Variants in CSGALNACT1 observed in about 807,000 individuals in gnomAD.
The protein encoded by CSGALNACT1 is chondroitin sulfate N-acetylgalactosaminyltransferase 1, also known as beta4GalNAcT-1.
In CSGALNACT1, 52 loss-of-function variants were observed where a neutral mutation model predicts 51.0. The observed-to-expected ratio is 1.02, with a 90% confidence interval of 0.82 to 1.29. The LOEUF (loss-of-function observed/expected upper bound fraction) is 1.29. Ranked by LOEUF, CSGALNACT1 falls within the 50% of genes most tolerant of loss-of-function variation. CSGALNACT1 has a pLI of 0.00. For missense variants in CSGALNACT1, 935 were observed against 679.2 expected (o/e 1.38, Z -4.19); for synonymous variants, 341 against 254.4 (o/e 1.34, Z -3.24).
chr8:19,502,020 A>G (rs929446117), intron 4 of CSGALNACT1, among the ~76,000 whole-genome samples: 1 of 152,260 alleles, frequency 6.6e-6, no homozygotes, highest in Non-Finnish European at 1.5e-5. Flanking sequence ...TTGAGGATAG[A>G]TAATAATGAA....
At chr8:19,720,539 C>T (rs2063063041) in intron 1 of CSGALNACT1, among the ~76,000 whole-genome samples, 1 of 152,190 alleles carries the variant, frequency 6.6e-6, no homozygotes, top group African/African-American at 2.4e-5. Context: ...ATCAACCTCT[C>T]CTGGTAGAAC....
At position 19,661,355 on chromosome 8, in the gene CSGALNACT1, A is replaced by G. The variant is rs183039483; in HGVS notation, c.-544+21118T>C. ...GTCACCTACTGCTGTCACCTGGCCCAGTTCCTGAATGGAATGCTGCAAAGT... is the reference window on the plus strand; with the variant it reads ...GTCACCTACTGCTGTCACCTGGCCCGGTTCCTGAATGGAATGCTGCAAAGT... On this transcript the variant is annotated intron_variant, in intron 1 of 9. Coordinates refer to the CSGALNACT1 transcript ENST00000332246. Among the ~76,000 whole-genome samples, 74 of 152,306 alleles carry G rather than the reference A, an allele frequency of 4.9e-4. 1 individual carries two copies. In the East Asian group the frequency reaches 0.014, roughly 28 times the overall value.
At chr8:19,742,682 G>T (rs6586861) in intron 1 of CSGALNACT1, among the ~76,000 whole-genome samples, 111,452 of 152,194 alleles carry the variant, frequency 0.73, 40,963 homozygotes, top group Middle Eastern at 0.87. Flanking sequence ...CTAGACAGAT[G>T]CAGATGATCC....
At chr8:19,458,641 C>G in exon 5 of CSGALNACT1, 1 of 1,613,850 alleles carries the variant, frequency 6.2e-7, no homozygotes, top group Non-Finnish European at 8.5e-7. Flanking sequence ...TTCGGTAGAT[C>G]CCTGTTAAGA....
intron 1 of CSGALNACT1, among the ~76,000 whole-genome samples, chr8:19,616,865 A>T (rs960350347): frequency 1.3e-5 from 2 of 152,194 alleles, no homozygotes; most frequent in Admixed American, 1.3e-4. Context: ...TTTGGCACCA[A>T]GGAATGGTTT....
rs1162955221 is a variant in CSGALNACT1 at position 19,667,022 on chromosome 8, AGGAAGGAAGGAAGGAAGG to A, written c.-544+15433_-544+15450del. On this transcript the variant is annotated intron_variant, in intron 1 of 9. Coordinates refer to the CSGALNACT1 transcript ENST00000332246. ...AAGAAAGAAAGAAAGAAAGAAAGGA[AGGAAGGAAGGAAGGAAGG>A]AAGAAAGAAAGAAAGAAAGAAAGAA... 1.3e-3 allele frequency among the ~76,000 whole-genome samples: 46 copies of A among 36,038 alleles called. 2 individuals are homozygous for A. The highest frequency in any genetic ancestry group is 5.4e-3 in the African/African-American group (28 of 5,170). 23.6% of individuals were successfully genotyped at this position (36,038 alleles called of 152,430 possible).
chr8:19,596,752 T>C (rs1208486745), intron 2 of CSGALNACT1, among the ~76,000 whole-genome samples: 1 of 152,188 alleles, frequency 6.6e-6, no homozygotes, highest in Non-Finnish European at 1.5e-5. Context: ...AAAATCTAAT[T>C]CCTTTCAATT....
chr8:19,736,769 G>T (rs1282600790), intron 1 of CSGALNACT1, among the ~76,000 whole-genome samples: 6 of 152,126 alleles, frequency 3.9e-5, no homozygotes, highest in African/African-American at 1.4e-4. Context: ...AAGGAACAGA[G>T]AGGAACTCTA....
chr8:19,755,465 A>AAAAAAAAAAAAAAAAAAAAAC (rs2065304096), intron 1 of CSGALNACT1, among the ~76,000 whole-genome samples: 1 of 126,738 alleles, frequency 7.9e-6, no homozygotes, highest in Non-Finnish European at 1.7e-5. Context: ...ACAAAAAAAA[A>AAAAAAAAAAAAAAAAAAAAAC]AAAAAAAAAA....
At chr8:19,444,090 C>T (rs2061742711) in intron 5 of CSGALNACT1, among the ~76,000 whole-genome samples, 1 of 152,160 alleles carries the variant, frequency 6.6e-6, no homozygotes, top group African/African-American at 2.4e-5. Context: ...AGCTACTCAC[C>T]TCCTGCTGTG....
At chr8:19,605,212 G>A (rs2051198980), upstream of CSGALNACT1, among the ~76,000 whole-genome samples, 1 of 152,160 alleles carries the variant, frequency 6.6e-6, no homozygotes, top group Non-Finnish European at 1.5e-5. Flanking sequence ...CAGTGACAAT[G>A]ACATCCCTCT....
At chr8:19,461,027 C>G (rs1028092749) in intron 4 of CSGALNACT1, among the ~76,000 whole-genome samples, 1 of 152,068 alleles carries the variant, frequency 6.6e-6, no homozygotes, top group Non-Finnish European at 1.5e-5. Context: ...ATTTAAAGGC[C>G]GAGACACGGA....
At position 19,658,046 on chromosome 8, in the gene CSGALNACT1, C is replaced by T. The variant is rs2058436040; in HGVS notation, c.-544+24427G>A. Among the ~76,000 whole-genome samples the T allele has an allele frequency of 2.1e-5, 3 of 140,882 alleles. No individual in the cohort carries two copies. The South Asian group carries it at 7.2e-4, about 34-fold the overall frequency. 92.4% of individuals were successfully genotyped at this position (140,882 alleles called of 152,430 possible). A position where few individuals can be genotyped will look rare whatever the true frequency, so the allele number is the denominator to read the frequency against. On this transcript the variant is annotated intron_variant, in intron 1 of 9. Transcript: ENST00000332246. ...ATTACTCTAGACTGAATATGTGTGCCCTCTCACCCTCCTTCCAAAAAAAAA... is the reference window on the plus strand; with the variant it reads ...ATTACTCTAGACTGAATATGTGTGCTCTCTCACCCTCCTTCCAAAAAAAAA...
intron 4 of CSGALNACT1, among the ~76,000 whole-genome samples, chr8:19,486,435 C>G (rs78522519): frequency 6.6e-6 from 1 of 152,286 alleles, no homozygotes; most frequent in African/African-American, 2.4e-5. Context: ...AATCCTCACC[C>G]GGGTCTATGA....
At chr8:19,738,392 A>G (rs576620760) in intron 1 of CSGALNACT1, among the ~76,000 whole-genome samples, 2 of 152,344 alleles carry the variant, frequency 1.3e-5, no homozygotes, top group African/African-American at 4.8e-5. Context: ...ACAAATCACT[A>G]TATGATTCCA....
intron 1 of CSGALNACT1, chr8:19,678,943 G>A (rs2060393244): frequency 6.6e-6 from 1 of 152,212 alleles, no homozygotes; most frequent in African/African-American, 2.4e-5. Context: ...CCCATGCTGG[G>A]AGCTTGACTG....
At chr8:19,418,843 T>C in intron 7 of CSGALNACT1, 93 bp from the exon 7 acceptor site, 1 of 846,334 alleles carries the variant, frequency 1.2e-6, no homozygotes, top group Non-Finnish European at 2.0e-6. Flanking sequence ...ACCCCAGATA[T>C]TTGCACCCAC....
chr8:19,558,830 T>C (rs981466917), intron 3 of CSGALNACT1, among the ~76,000 whole-genome samples: 3 of 152,184 alleles, frequency 2.0e-5, no homozygotes, highest in Non-Finnish European at 4.4e-5. Flanking sequence ...GGCCATTACC[T>C]ACACGTCATC....
intron 1 of CSGALNACT1, among the ~76,000 whole-genome samples, chr8:19,636,330 A>G (rs1056615713): frequency 6.6e-6 from 1 of 152,188 alleles, no homozygotes; most frequent in African/African-American, 2.4e-5. Flanking sequence ...ATATATTCAA[A>G]AAAACACTAT....
Sources: gnomAD v4.1 joint callset for allele counts (sites outside exome capture counted in the v4.1 genomes callset) on GRCh38, gnomAD v4.1.1 for gene constraint, MANE v1.5 for transcripts, NCBI Gene and HGNC (gene_info 2026-07-23, HGNC 2026-07-21) for gene names.